ENGASE: variants seen among roughly 807,000 people sequenced by gnomAD.
The protein encoded by ENGASE is endo-beta-N-acetylglucosaminidase.
A neutral mutation model predicts 78.5 loss-of-function variants in ENGASE; 69 were observed. The observed-to-expected ratio is 0.88, with a 90% CI of 0.72 to 1.07. The LOEUF is 1.07. Ranked by LOEUF, ENGASE falls within the 50% of genes least tolerant of loss-of-function variation. The probability of loss-of-function intolerance (pLI) is 0.00; values close to 1 mark genes in which losing one functional copy is unlikely to be tolerated. For missense variants in ENGASE, 943 were observed against 988.4 expected, an observed-to-expected ratio of 0.95 and a Z score of 0.62; for synonymous variants, 408 against 408.9, an observed-to-expected ratio of 1.00 and a Z score of 0.03.
chr17:79,084,551 C>A lies in ENGASE; in HGVS notation c.1456C>A (p.Gln486Lys). ...CTTTTTCCCCAGGTTATTTTCCCTG[C>A]AGGCCCCAGTGCCACCCAAGATTTA... ...GNVAVRLFSL[Q>K]APVPPKIYLS... The change falls in exon 11 of 14, where the codon CAG (glutamine) becomes AAG (lysine). Residue 486 changes from glutamine (Q) to lysine (K), a missense_variant. By Grantham distance (53) the Gln-to-Lys change is moderately conservative. Transcript: ENST00000579016. The A allele has an allele frequency of 6.3e-7, 1 of 1,577,116 alleles. No individual in the cohort carries two copies. Among genetic ancestry groups the A allele is most frequent in the Non-Finnish European group, 8.6e-7 (1 of 1,166,142 alleles).
chr17:79,084,526 C>T lies in ENGASE; in HGVS notation c.1443-12C>T. ...CTCTCCACGGCACCCATCACAGGACCTTTTTCCCCAGGTTATTTTCCCTGC... is the reference window on the plus strand; with the variant it reads ...CTCTCCACGGCACCCATCACAGGACTTTTTTCCCCAGGTTATTTTCCCTGC... On this transcript the variant is annotated splice_polypyrimidine_tract_variant and intron_variant, in intron 10 of 13. Coordinates refer to ENST00000579016, the MANE Select transcript of ENGASE (RefSeq NM_001042573.3). 3 of 1,559,310 alleles carry T rather than the reference C, an allele frequency of 1.9e-6. No homozygotes were observed.
At chr17:79,076,381 A>G (rs2072968253) in intron 1 of ENGASE, among the ~76,000 whole-genome samples, 1 of 152,164 alleles carries the variant, frequency 6.6e-6, no homozygotes, top group Non-Finnish European at 1.5e-5. Flanking sequence ...CCTGGCCAAC[A>G]TGGTGAAACT....
intron 10 of ENGASE, 126 bp downstream of exon 10, chr17:79,084,077 TA>T (rs1477205297): frequency 2.5e-6 from 2 of 810,304 alleles, no homozygotes; most frequent in African/African-American, 3.5e-5. Flanking sequence ...ATGGGTTTTT[TA>T]AAATTGTGAT....
chr17:79,084,681 T>C lies in ENGASE; in HGVS notation c.1586T>C (p.Leu529Ser), dbSNP rs1481195784. Residue 529 changes from leucine to serine, a missense_variant, in exon 11 of 14, where the codon TTG becomes TCG. Coordinates refer to ENST00000579016, the MANE Select transcript of ENGASE (RefSeq NM_001042573.3). The stretch of plus-strand genomic sequence containing the variant: ...TGCCACATCGGTGGCATCTCAGTGT[T>C]GAACGGTGAGGTAATGGGGCCCAGG... ...GSCHIGGISV[L>S]NAETSSRHSL... 6.2e-7 allele frequency: 1 copy of C among 1,612,066 alleles called. No homozygotes were observed. Among genetic ancestry groups the C allele is most frequent in the Non-Finnish European group, 8.5e-7 (1 of 1,179,278 alleles).
chr17:79,082,669 A>T, intron 7 of ENGASE: 1 of 1,313,118 alleles, frequency 7.6e-7, no homozygotes, highest in Non-Finnish European at 1.0e-6. Context: ...TAAATGAGTA[A>T]ATTAATCCAA....
At chr17:79,076,114 CTT>C (rs1284128171) in intron 1 of ENGASE, among the ~76,000 whole-genome samples, 2 of 152,252 alleles carry the variant, frequency 1.3e-5, no homozygotes, top group Non-Finnish European at 2.9e-5. Flanking sequence ...ACAGAGGACT[CTT>C]TGCAACAGGC....
intron 3 of ENGASE, among the ~76,000 whole-genome samples, chr17:79,078,300 A>T (rs1319357085): frequency 6.6e-6 from 1 of 152,218 alleles, no homozygotes; most frequent in Non-Finnish European, 1.5e-5. Context: ...AGATTGCACT[A>T]CTGCACTCCA....
At chr17:79,080,557 C>T (rs1449634572) in intron 5 of ENGASE, among the ~76,000 whole-genome samples, 193 bp downstream of exon 5, 1 of 152,242 alleles carries the variant, frequency 6.6e-6, no homozygotes, top group African/African-American at 2.4e-5. Flanking sequence ...TCTCCTCCGA[C>T]TGTTTCCAGC....
chr17:79,077,985 G>C, intron 3 of ENGASE, 121 bp downstream of exon 3: 1 of 962,874 alleles, frequency 1.0e-6, no homozygotes, highest in Non-Finnish European at 1.5e-6. Flanking sequence ...TCAGGAGACG[G>C]GCATTGGAGG....
In ENGASE at chr17:79,083,032, A is replaced by G. The variant is rs2073190015; in HGVS notation, c.1051A>G (p.Ile351Val). The G allele has an allele frequency of 6.2e-7, 1 of 1,613,950 alleles. No homozygotes were observed. The highest frequency in any genetic ancestry group is 8.5e-7 in the Non-Finnish European group (1 of 1,179,958). Residue 351 changes from isoleucine (I) to valine (V), a missense_variant, in exon 8 of 14, where the codon ATC (isoleucine) becomes GTC (valine). Ile to Val is a conservative substitution (Grantham distance 29). Transcript: ENST00000579016. This position sits in a 1 kb window ranked among gnomAD's most constrained non-coding sequence, Gnocchi z 4.9. Reference protein sequence around the residue: ...RFDTDKSLELIRKHGFSVALF... With the variant: ...RFDTDKSLELVRKHGFSVALF... Reference sequence around the variant, plus strand: ...TCTGTCTCTTCAGTCGTTGGAGCTGATCCGAAAGCATGGCTTCTCCGTGGC... The same window carrying G: ...TCTGTCTCTTCAGTCGTTGGAGCTGGTCCGAAAGCATGGCTTCTCCGTGGC...
rs1361881187 is a variant in ENGASE at position 79,077,739 on chromosome 17, G to A, written c.291G>A (p.Lys97=). 1.1e-5 allele frequency: 18 copies of A among 1,614,084 alleles called. No individual in the cohort carries two copies. The highest frequency in any genetic ancestry group is 1.4e-5 in the Non-Finnish European group (16 of 1,180,048). ...CGCTGGAGGAGCTCTTGGCGTGGAAGCCCCGCTTGGAGGATGGCTTTAATG... is the reference window on the plus strand; with the variant it reads ...CGCTGGAGGAGCTCTTGGCGTGGAAACCCCGCTTGGAGGATGGCTTTAATG... The part of the protein sequence containing the change: ...LSSLEELLAW[K]PRLEDGFNVA... The change falls in exon 3 of 14, where the codon AAG becomes AAA. Residue 97 remains lysine, a synonymous_variant. Transcript: ENST00000579016.
intron 5 of ENGASE, among the ~76,000 whole-genome samples, chr17:79,080,675 C>T (rs1479709942): frequency 6.6e-6 from 1 of 152,220 alleles, no homozygotes; most frequent in Non-Finnish European, 1.5e-5. Context: ...TCAGGGCATC[C>T]TCCCCTTTCG....
rs774217254 is a variant in ENGASE at position 79,086,383 on chromosome 17, G to A, written c.*34G>A. On this transcript the variant is annotated 3_prime_UTR_variant, in exon 14 of 14. Transcript: ENST00000579016. Reference sequence around the variant, plus strand: ...TAAGGCCGGGTGGTCTCCTGGCCTCGGGCTGAGGCCTCTTCCCGGCTGTCT... The same window carrying A: ...TAAGGCCGGGTGGTCTCCTGGCCTCAGGCTGAGGCCTCTTCCCGGCTGTCT... 235 of 1,584,072 alleles carry A rather than the reference G, an allele frequency of 1.5e-4. No individual in the cohort carries two copies. Among genetic ancestry groups the A allele is most frequent in the African/African-American group, 2.1e-4 (16 of 74,602 alleles).
chr17:79,081,516 C>A (rs926055383), intron 6 of ENGASE, among the ~76,000 whole-genome samples: 1 of 152,026 alleles, frequency 6.6e-6, no homozygotes, highest in Admixed American at 6.5e-5. Context: ...AGGCAGAGTT[C>A]TCTTAACATC....
At chr17:79,082,509 C>T in intron 7 of ENGASE, 3 of 1,203,022 alleles carry the variant, frequency 2.5e-6, no homozygotes, top group Non-Finnish European at 3.2e-6. Flanking sequence ...GGAGCATTTT[C>T]TGGCAAGGCA....
Position 79,074,950 on chromosome 17 carries a change from G to T in ENGASE, c.6G>T (p.Glu2Asp), listed in dbSNP as rs1487003378. 1 of 1,261,178 alleles carries T rather than the reference G, an allele frequency of 7.9e-7. No individual in the cohort carries two copies. Among genetic ancestry groups the T allele is most frequent in the Non-Finnish European group, 1.0e-6 (1 of 1,003,588 alleles). The allele number at this position is 1,261,178 out of a possible 1,614,324, so 78.1% of individuals were successfully genotyped here. A position where few individuals can be genotyped will look rare whatever the true frequency, so the allele number is the denominator to read the frequency against. Residue 2 changes from glutamate (E) to aspartate (D), a missense_variant, in exon 1 of 14, where the codon GAG becomes GAT. Glu to Asp is a conservative substitution (Grantham distance 45). Transcript: ENST00000579016. M[E>D]AAAVTVTRSA... is the part of the protein sequence containing the mutation. ...CGGCGTGCGCGGACAGTGTCATGGA[G>T]GCCGCGGCGGTGACGGTCACCCGGT... is the stretch of plus-strand genomic sequence containing the variant.
rs2072932287 is a variant in ENGASE, at chr17:79,074,994, G to GGCGGCA, written c.53_58dup (p.Arg18_Gln19dup). 1.6e-5 allele frequency: 20 copies of GGCGGCA among 1,226,134 alleles called. No individual in the cohort carries two copies. The highest frequency in any genetic ancestry group is 2.0e-5 in the Non-Finnish European group (20 of 982,952). The allele number at this position is 1,226,134 out of a possible 1,614,324, so 76.0% of individuals were successfully genotyped here. A position where few individuals can be genotyped will look rare whatever the true frequency, so the allele number is the denominator to read the frequency against. ...ACCCGGTCGGCTACACGGCGGCGGC[G>GGCGGCA]GCGGCAGCTGCAGGGGCTGGCGGCC... On this transcript the variant is annotated inframe_insertion, in exon 1 of 14. Transcript: ENST00000579016.
intron 3 of ENGASE, 89 bp downstream of exon 3, chr17:79,077,953 A>G: frequency 1.5e-6 from 2 of 1,351,982 alleles, no homozygotes; most frequent in Non-Finnish European, 2.0e-6. Flanking sequence ...TGCCATGTGT[A>G]GAAAGAGCAC....
rs766687194 is a variant in ENGASE, at chr17:79,077,642, A to G, written c.215-21A>G. The G allele has an allele frequency of 1.4e-5, 22 of 1,612,910 alleles. No homozygotes were observed. The South Asian group carries it at 2.4e-4, about 18-fold the overall frequency. On this transcript the variant is annotated intron_variant, in intron 2 of 13. Transcript: ENST00000579016. Reference sequence around the variant, plus strand: ...TATAATAGTTTCCATTAATTGCTCAATGTTTCTGTCCTCGGACCAGTTAGA... The same window carrying G: ...TATAATAGTTTCCATTAATTGCTCAGTGTTTCTGTCCTCGGACCAGTTAGA...
Sources: gnomAD v4.1 joint callset for allele counts (sites outside exome capture counted in the v4.1 genomes callset) on GRCh38, gnomAD v4.1.1 for gene constraint, Gnocchi (gnomAD v3.1) non-coding constraint, MANE v1.5 for transcripts, NCBI Gene and HGNC (gene_info 2026-07-23, HGNC 2026-07-21) for gene names.